Variants in PRELID2 observed in about 807,000 individuals in gnomAD.
PRELID2 encodes the protein PRELI domain containing 2.
A neutral mutation model predicts 28.4 loss-of-function variants in PRELID2; 25 were observed. The ratio of observed to expected loss-of-function variants is 0.88; its 90% CI spans 0.64 to 1.23. The LOEUF (loss-of-function observed/expected upper bound fraction) is 1.23, where lower values mean the gene tolerates loss of function less well. PRELID2 is among the 50% of genes most tolerant of loss of function. The pLI is 0.00. For missense variants in PRELID2, 201 were observed against 214.4 expected, an observed-to-expected ratio of 0.94 and a Z score of 0.39; for synonymous variants, 76 against 71.6, an observed-to-expected ratio of 1.06 and a Z score of -0.31.
chr5:145,584,250 A>G (rs1424943543), intron 1 of PRELID2, among the ~76,000 whole-genome samples: 1 of 152,170 alleles, frequency 6.6e-6, no homozygotes, highest in Non-Finnish European at 1.5e-5. Context: ...AGAAAATTGA[A>G]GCTGGACCCC....
the PRELID2 span, among the ~76,000 whole-genome samples, chr5:145,446,706 A>G: frequency 1.3e-5 from 2 of 151,958 alleles, no homozygotes; most frequent in Non-Finnish European, 2.9e-5. Context: ...TGGAGCTTCC[A>G]TCGATTAAAA....
At chr5:145,630,615 C>A (rs77483162) in intron 1 of PRELID2, among the ~76,000 whole-genome samples, 1 of 152,064 alleles carries the variant, frequency 6.6e-6, no homozygotes, top group Admixed American at 6.6e-5. Context: ...TAAGAAAAGC[C>A]AGAGTCCAAA....
the PRELID2 span, among the ~76,000 whole-genome samples, chr5:145,362,121 GT>G: frequency 1.3e-5 from 2 of 152,154 alleles, no homozygotes; most frequent in Non-Finnish European, 2.9e-5. Flanking sequence ...GCCTTGTTTA[GT>G]GCTGTGCTTA....
intron 1 of PRELID2, among the ~76,000 whole-genome samples, chr5:145,648,888 C>T (rs762197093): frequency 2.6e-5 from 4 of 151,404 alleles, no homozygotes; most frequent in Non-Finnish European, 5.9e-5. Flanking sequence ...TACAGATAGT[C>T]CCCAACTTAA....
At chr5:145,765,252 A>T (rs1376039713) in intron 5 of PRELID2, among the ~76,000 whole-genome samples, 2 of 152,246 alleles carry the variant, frequency 1.3e-5, no homozygotes, top group Non-Finnish European at 2.9e-5. Flanking sequence ...TTTAAACATA[A>T]GAAAACAACC....
chr5:145,682,458 T>C (rs1323261378), intron 1 of PRELID2, among the ~76,000 whole-genome samples: 4 of 152,206 alleles, frequency 2.6e-5, no homozygotes, highest in Non-Finnish European at 4.4e-5. Flanking sequence ...ATAACAGACC[T>C]GGCTTCATTT....
At position 145,551,440 on chromosome 5, in the gene PRELID2, A is replaced by ATAAATAAG. The variant is rs59930604; in HGVS notation, n.71-78126_71-78125insCTTATTTA. 2.9e-3 allele frequency among the ~76,000 whole-genome samples: 432 copies of ATAAATAAG among 150,692 alleles called. 3 individuals are homozygous for ATAAATAAG. The highest frequency in any genetic ancestry group is 0.01 in the African/African-American group (414 of 41,088). ...AATAAATAAATAAATAAATAAATAA[A>ATAAATAAG]CCTGCTTAACAACTATTAGAAAAAC... is the stretch of plus-strand genomic sequence containing the variant. On this transcript the variant is annotated intron_variant and non_coding_transcript_variant, in intron 1 of 2. Coordinates refer to the PRELID2 transcript ENST00000510259.
chr5:145,338,035 C>A, the PRELID2 span: 3 of 152,124 alleles, frequency 2.0e-5, no homozygotes, highest in African/African-American at 7.2e-5. Flanking sequence ...GAGAGAACAT[C>A]TGTTTCAAAA....
the PRELID2 span, among the ~76,000 whole-genome samples, chr5:145,430,078 G>A: frequency 6.6e-6 from 1 of 152,216 alleles, no homozygotes; most frequent in African/African-American, 2.4e-5. Flanking sequence ...AGTAGATGGT[G>A]GTTGTTTGCT....
chr5:145,731,151 T>C (rs1021830504), intron 1 of PRELID2, among the ~76,000 whole-genome samples: 12 of 152,248 alleles, frequency 7.9e-5, no homozygotes, highest in African/African-American at 2.9e-4. Flanking sequence ...CATTGTTGCA[T>C]GTGTACTAAT....
chr5:145,791,054 A>T (rs1430294256), intron 5 of PRELID2, among the ~76,000 whole-genome samples: 3 of 152,132 alleles, frequency 2.0e-5, no homozygotes, highest in Non-Finnish European at 2.9e-5. Flanking sequence ...TAATAAAGAC[A>T]TACCAGCCAC....
At chr5:145,546,352 T>G (rs1561503576) in intron 1 of PRELID2, among the ~76,000 whole-genome samples, 1 of 152,108 alleles carries the variant, frequency 6.6e-6, no homozygotes. Flanking sequence ...AACTCAAAAT[T>G]AAACTATAAG....
Position 145,796,436 on chromosome 5 carries a change from G to T in PRELID2, c.474+6C>A. The stretch of plus-strand genomic sequence containing the variant: ...TAATGTTGGTTCAAAGCAGAAATAT[G>T]GTTACCTTCTGGGCTCCCTGTCGTA... On this transcript the variant is annotated splice_donor_region_variant and intron_variant, in intron 5 of 6. Coordinates refer to ENST00000683046, the MANE Select transcript of PRELID2 (RefSeq NM_205846.3). 6.3e-7 allele frequency: 1 copy of T among 1,590,118 alleles called. No homozygotes were observed. Among genetic ancestry groups the T allele is most frequent in the East Asian group, 2.3e-5 (1 of 44,388 alleles).
At chr5:145,684,242 T>C (rs1417921356) in intron 1 of PRELID2, among the ~76,000 whole-genome samples, 1 of 152,334 alleles carries the variant, frequency 6.6e-6, no homozygotes, top group South Asian at 2.1e-4. Context: ...GAAGCCTCGA[T>C]GGGCTGGGCC....
chr5:145,231,968 G>A, the PRELID2 span, among the ~76,000 whole-genome samples: 3 of 152,038 alleles, frequency 2.0e-5, no homozygotes, highest in East Asian at 5.8e-4. Flanking sequence ...TGTATTCAGG[G>A]AGTAATTTAG....
chr5:145,500,167 G>C (rs1816068), intron 1 of PRELID2, among the ~76,000 whole-genome samples: 97,158 of 152,048 alleles, frequency 0.64, 32,023 homozygotes, highest in East Asian at 1. Flanking sequence ...GAATTATAAT[G>C]CCCAGTGTTG....
In PRELID2 at chr5:145,499,861, C is replaced by A. The variant is rs148045084; in HGVS notation, n.71-26546G>T. Among the ~76,000 whole-genome samples the A allele has an allele frequency of 2.9e-3, 447 of 152,324 alleles. 1 individual carries two copies. Among genetic ancestry groups the A allele is most frequent in the African/African-American group, 7.9e-3 (330 of 41,586 alleles). On this transcript the variant is annotated intron_variant and non_coding_transcript_variant, in intron 1 of 2. Coordinates refer to the PRELID2 transcript ENST00000510259. ...ATTAATTCTTTTAAAGTCATATAAA[C>A]AAAGGCTTTGTGCTGTTACTCCACA...
chr5:145,749,768 GGAA>G (rs1330324019), intron 1 of PRELID2, among the ~76,000 whole-genome samples: 4 of 152,122 alleles, frequency 2.6e-5, no homozygotes, highest in African/African-American at 9.7e-5. Flanking sequence ...TATACACTAT[GGAA>G]TACTACACAG....
At chr5:145,370,882 C>A in the PRELID2 span, among the ~76,000 whole-genome samples, 1 of 151,798 alleles carries the variant, frequency 6.6e-6, no homozygotes, top group Non-Finnish European at 1.5e-5. Context: ...GTAGCAATTG[C>A]GAATGGGAAT....
Sources: allele counts gnomAD v4.1 joint callset (sites outside exome capture counted in the v4.1 genomes callset), GRCh38; gene constraint gnomAD v4.1.1; transcripts MANE v1.5; gene names NCBI Gene and HGNC (gene_info 2026-07-23, HGNC 2026-07-21).